The following GPC5 variants were observed in gnomAD, a reference collection of about 807,000 sequenced individuals.
The protein encoded by GPC5 is glypican 5.
In GPC5, 47 loss-of-function variants were observed where a neutral mutation model predicts 53.9. That is an observed-to-expected ratio of 0.87 (90% CI 0.69 to 1.11). The LOEUF (loss-of-function observed/expected upper bound fraction) is 1.11, where lower values mean the gene tolerates loss of function less well. Among genes scored for constraint, GPC5 ranks in the 50% most tolerant of loss-of-function variants. The pLI, the probability that GPC5 is intolerant of heterozygous loss-of-function variation, is 0.00. For missense variants in GPC5, 748 were observed against 713.1 expected (o/e 1.05, Z -0.56); for synonymous variants, 286 against 263.3 (o/e 1.09, Z -0.84).
At chr13:92,057,846 CT>C (rs1481890210) in intron 6 of GPC5, among the ~76,000 whole-genome samples, 1 of 151,976 alleles carries the variant, frequency 6.6e-6, no homozygotes, top group Non-Finnish European at 1.5e-5. Flanking sequence ...ATTTTGTACT[CT>C]TTATATCTAA....
chr13:91,651,596 T>C (rs2034711778), intron 2 of GPC5, among the ~76,000 whole-genome samples: 1 of 151,912 alleles, frequency 6.6e-6, no homozygotes, highest in African/African-American at 2.4e-5. Context: ...CACATGCCTG[T>C]AATCCCAGCT....
At chr13:92,451,164 C>T (rs941253569) in intron 7 of GPC5, among the ~76,000 whole-genome samples, 4 of 152,112 alleles carry the variant, frequency 2.6e-5, no homozygotes, top group Non-Finnish European at 5.9e-5. Context: ...TGTTCTTTTT[C>T]AGGTCCTACC....
intron 7 of GPC5, among the ~76,000 whole-genome samples, chr13:92,767,230 G>T (rs949676163): frequency 1.3e-5 from 2 of 152,118 alleles, no homozygotes; most frequent in African/African-American, 4.8e-5. Flanking sequence ...CCAGCACTTT[G>T]GGAGGCCAAG....
rs1001158887 is a variant in GPC5, at chr13:91,852,348, T to C, written c.1281-55589T>C. On this transcript the variant is annotated intron_variant, in intron 5 of 7. Transcript: ENST00000377067. Reference sequence around the variant, plus strand: ...ATCACCGTCTTTCACTTCCACATCTTATTCCATTGAAAGGTCGTCAGGGCA... The same window carrying C: ...ATCACCGTCTTTCACTTCCACATCTCATTCCATTGAAAGGTCGTCAGGGCA... Among the ~76,000 whole-genome samples the C allele has an allele frequency of 4.6e-5, 7 of 152,088 alleles. No individual in the cohort carries two copies. The South Asian group carries it at 1.5e-3, about 32-fold the overall frequency.
intron 7 of GPC5, among the ~76,000 whole-genome samples, chr13:92,207,889 G>A (rs1274483531): frequency 2.0e-5 from 3 of 152,104 alleles, no homozygotes; most frequent in Admixed American, 6.5e-5. Context: ...AGTCCAGTCC[G>A]GAATAAATGC....
At chr13:91,900,157 A>ATTTTGTC in intron 5 of GPC5, among the ~76,000 whole-genome samples, 1 of 152,184 alleles carries the variant, frequency 6.6e-6, no homozygotes, top group Non-Finnish European at 1.5e-5. Flanking sequence ...ACATTTGAAA[A>ATTTTGTC]AAATACAAAA....
At chr13:91,713,546 G>A (rs1435525066) in intron 3 of GPC5, among the ~76,000 whole-genome samples, 1 of 152,056 alleles carries the variant, frequency 6.6e-6, no homozygotes, top group Admixed American at 6.6e-5. Context: ...AGTCACTTTA[G>A]AGACCCTTGT....
intron 2 of GPC5, among the ~76,000 whole-genome samples, chr13:91,608,808 C>G (rs1184416027): frequency 3.3e-5 from 5 of 151,720 alleles, no homozygotes; most frequent in Non-Finnish European, 7.4e-5. Context: ...AAGTTCCAAA[C>G]TGGGATGATC....
chr13:91,981,510 C>T (rs559388576), intron 6 of GPC5, among the ~76,000 whole-genome samples: 1 of 152,150 alleles, frequency 6.6e-6, no homozygotes, highest in Non-Finnish European at 1.5e-5. Flanking sequence ...AGGATGGTCT[C>T]GATCTCCTGA....
chr13:91,468,574 A>G (rs1882397773), intron 2 of GPC5, among the ~76,000 whole-genome samples: 1 of 152,144 alleles, frequency 6.6e-6, no homozygotes, highest in Non-Finnish European at 1.5e-5. Flanking sequence ...AAGTGAGGTG[A>G]GTCACCTGGA....
rs71202562 is a variant in GPC5, at chr13:92,787,667, C to CAAAAAAAAAA, written c.1562-78608_1562-78599dup. ...GGGCAACAGAGAGACCTCATAGCTA[C>CAAAAAAAAAA]AAAAAAAAAAAAAAAAGAAAAGAAA... On this transcript the variant is annotated intron_variant, in intron 7 of 7. Transcript: ENST00000377067. Among the ~76,000 whole-genome samples, 25 of 56,116 alleles carry CAAAAAAAAAA rather than the reference C, an allele frequency of 4.5e-4. 2 individuals are homozygous for CAAAAAAAAAA. Among genetic ancestry groups the CAAAAAAAAAA allele is most frequent in the African/African-American group, 1.4e-3 (20 of 14,030 alleles). 36.8% of individuals were successfully genotyped at this position (56,116 alleles called of 152,430 possible). A position where few individuals can be genotyped will look rare whatever the true frequency, so the allele number is the denominator to read the frequency against.
intron 7 of GPC5, among the ~76,000 whole-genome samples, chr13:92,833,229 A>G (rs1477670134): frequency 6.6e-6 from 1 of 152,178 alleles, no homozygotes; most frequent in Non-Finnish European, 1.5e-5. Flanking sequence ...ACTTACTTAT[A>G]TGATTCACAG....
At chr13:92,440,049 T>C (rs1877481597) in intron 7 of GPC5, among the ~76,000 whole-genome samples, 1 of 152,198 alleles carries the variant, frequency 6.6e-6, no homozygotes, top group Non-Finnish European at 1.5e-5. Context: ...TGTTAATCCA[T>C]TGGAGCCACT....
chr13:91,892,791 C>T (rs1405728910), intron 5 of GPC5, among the ~76,000 whole-genome samples: 1 of 151,836 alleles, frequency 6.6e-6, no homozygotes, highest in Admixed American at 6.6e-5. Context: ...GAAAGTGACC[C>T]TGACATTTAG....
chr13:92,336,548 ATGT>A (rs1445565552), intron 7 of GPC5, among the ~76,000 whole-genome samples: 2 of 137,312 alleles, frequency 1.5e-5, no homozygotes, highest in Non-Finnish European at 3.2e-5. Flanking sequence ...TTAGTATTTG[ATGT>A]TGTCTGAGTA....
chr13:92,771,126 G>A (rs1345052279), intron 7 of GPC5, among the ~76,000 whole-genome samples: 2 of 152,098 alleles, frequency 1.3e-5, no homozygotes, highest in African/African-American at 4.8e-5. Flanking sequence ...TGACAACAGA[G>A]TGAGACCTCA....
At chr13:92,691,332 G>T (rs1473988673) in intron 7 of GPC5, among the ~76,000 whole-genome samples, 1 of 137,618 alleles carries the variant, frequency 7.3e-6, no homozygotes, top group African/African-American at 2.8e-5. Flanking sequence ...CGATTTTCCA[G>T]GTGCGTCCGT....
intron 2 of GPC5, among the ~76,000 whole-genome samples, chr13:91,471,529 A>G (rs1248479989): frequency 1.3e-5 from 2 of 152,150 alleles, no homozygotes; most frequent in South Asian, 2.1e-4. Context: ...AGGTGCTGTC[A>G]GATGGTAATA....
chr13:92,799,534 A>G (rs947501742), intron 7 of GPC5, among the ~76,000 whole-genome samples: 2 of 151,824 alleles, frequency 1.3e-5, no homozygotes, highest in Non-Finnish European at 2.9e-5. Context: ...TGTCTGAAAA[A>G]TTATTTTAAA....
Sources: allele counts gnomAD v4.1 joint callset (sites outside exome capture counted in the v4.1 genomes callset), GRCh38; gene constraint gnomAD v4.1.1; transcripts MANE v1.5; gene names NCBI Gene and HGNC (gene_info 2026-07-23, HGNC 2026-07-21).